Variants in FGD5 observed in about 807,000 individuals in gnomAD.
FGD5 encodes the protein FYVE, RhoGEF and PH domain-containing protein 5.
In FGD5, 28 loss-of-function variants were observed where a neutral mutation model predicts 133.4. The ratio of observed to expected loss-of-function variants is 0.21; its 90% CI spans 0.16 to 0.29. The LOEUF (loss-of-function observed/expected upper bound fraction) is 0.29. Among genes scored for constraint, FGD5 ranks in the 10% least tolerant of loss-of-function variants. FGD5 has a pLI of 1.00. For missense variants in FGD5, 1,858 were observed against 1,895.2 expected, an observed-to-expected ratio of 0.98 and a Z score of 0.36; for synonymous variants, 810 against 776.5, an observed-to-expected ratio of 1.04 and a Z score of -0.72.
At chr3:14,843,036 T>G (rs1311271195) in intron 1 of FGD5, among the ~76,000 whole-genome samples, 1 of 152,242 alleles carries the variant, frequency 6.6e-6, no homozygotes. Flanking sequence ...AAATGAAGCC[T>G]TATATTTCTT....
Position 14,898,033 on chromosome 3 carries a change from G to A in FGD5, c.3004G>A (p.Gly1002Ser), listed in dbSNP as rs776122371. The A allele has an allele frequency of 6.2e-7, 1 of 1,613,976 alleles. No individual in the cohort carries two copies. Among genetic ancestry groups the A allele is most frequent in the South Asian group, 1.1e-5 (1 of 91,082 alleles). ...CATCCTGCAGTTCGACAGGTACCTA[G>A]GTCTGCTCAGTGAGAATTGCCTCCA... ...THILQFDRYL[G>S]LLSENCLHSP... is the part of the protein sequence containing the mutation. Residue 1002 changes from glycine to serine, a missense_variant, in exon 6 of 20, where the codon GGT becomes AGT. Transcript: ENST00000285046.
intron 1 of FGD5, among the ~76,000 whole-genome samples, chr3:14,843,054 A>ATT (rs1294435493): frequency 8.5e-5 from 13 of 152,230 alleles, no homozygotes. Context: ...CTTGTTCTTA[A>ATT]TTTTAAAATC....
chr3:14,902,524 T>C (rs1377715982), intron 9 of FGD5, among the ~76,000 whole-genome samples: 2 of 151,842 alleles, frequency 1.3e-5, no homozygotes, highest in Non-Finnish European at 2.9e-5. Context: ...TGGTGAAGGG[T>C]AGACTGAGAG....
At chr3:14,825,354 C>T (rs1276602749) in intron 1 of FGD5, among the ~76,000 whole-genome samples, 1 of 151,994 alleles carries the variant, frequency 6.6e-6, no homozygotes, top group Non-Finnish European at 1.5e-5. Context: ...CTTGTAATCC[C>T]AGTGCTTTGG....
At chr3:14,911,626 C>G (rs2038451003) in intron 11 of FGD5, among the ~76,000 whole-genome samples, 1 of 151,920 alleles carries the variant, frequency 6.6e-6, no homozygotes, top group Non-Finnish European at 1.5e-5. Flanking sequence ...TACGAGCTCT[C>G]TCTGTTCCAG....
At chr3:14,918,958 G>C in intron 13 of FGD5, 125 bp downstream of exon 13, 1 of 986,878 alleles carries the variant, frequency 1.0e-6, no homozygotes. Flanking sequence ...ATCCTTCTGG[G>C]TCAAAGGACT....
At chr3:14,831,820 A>G (rs1361809677) in intron 1 of FGD5, among the ~76,000 whole-genome samples, 2 of 152,196 alleles carry the variant, frequency 1.3e-5, no homozygotes, top group Non-Finnish European at 1.5e-5. Flanking sequence ...CCACTACAGA[A>G]AGGTGCCCGA....
At chr3:14,818,277 C>T (rs1262652016), upstream of FGD5, among the ~76,000 whole-genome samples, 1 of 152,208 alleles carries the variant, frequency 6.6e-6, no homozygotes, top group East Asian at 1.9e-4. Flanking sequence ...TGGCTGGACA[C>T]AGTCCTGAAG....
chr3:14,894,667 C>A (rs1387903047), intron 4 of FGD5, among the ~76,000 whole-genome samples: 1 of 137,110 alleles, frequency 7.3e-6, no homozygotes, highest in Non-Finnish European at 1.6e-5. Context: ...AGGTGCAGGT[C>A]CAGCTAATTT....
At chr3:14,885,871 G>T (rs146178895) in intron 4 of FGD5, among the ~76,000 whole-genome samples, 189 of 152,332 alleles carry the variant, frequency 1.2e-3, no homozygotes, top group African/African-American at 4.4e-3. Flanking sequence ...AGCTCACATT[G>T]TATAAAGACC....
rs933033672 is a variant in FGD5, at chr3:14,898,068, G to T, written c.3039G>T (p.Arg1013=). Reference sequence around the variant, plus strand: ...GTGAGAATTGCCTCCACTCTCCCCGGCTGGCAGCTGCTGTCCGTGAATTTG... The same window carrying T: ...GTGAGAATTGCCTCCACTCTCCCCGTCTGGCAGCTGCTGTCCGTGAATTTG... ...LLSENCLHSP[R]LAAAVREFEQ... The change falls in exon 6 of 20, where the codon CGG becomes CGT. Residue 1013 remains arginine, a synonymous_variant. Coordinates refer to ENST00000285046, the MANE Select transcript of FGD5 (RefSeq NM_152536.4). 26 of 1,613,910 alleles carry T rather than the reference G, an allele frequency of 1.6e-5. No individual in the cohort carries two copies. The highest frequency in any genetic ancestry group is 2.1e-5 in the Non-Finnish European group (25 of 1,179,900).
At chr3:14,926,041 G>A (rs1445506150) in intron 17 of FGD5, 29 bp from the exon 18 acceptor site, 14 of 1,611,988 alleles carry the variant, frequency 8.7e-6, no homozygotes, top group Non-Finnish European at 1.2e-5. Flanking sequence ...CACCGGGGTG[G>A]GCTGACCGCT....
At chr3:14,841,444 G>T (rs528114937) in intron 1 of FGD5, among the ~76,000 whole-genome samples, 1 of 152,024 alleles carries the variant, frequency 6.6e-6, no homozygotes, top group South Asian at 2.1e-4. Context: ...GTCCTGGTTT[G>T]TATCAAATTA....
chr3:14,909,387 A>G (rs906851506), intron 10 of FGD5, among the ~76,000 whole-genome samples: 6 of 152,262 alleles, frequency 3.9e-5, no homozygotes, highest in South Asian at 2.1e-4. Flanking sequence ...TGTGCTAACA[A>G]TAGTTCCACG....
chr3:14,866,149 C>A (rs753500676), intron 2 of FGD5, among the ~76,000 whole-genome samples: 2 of 152,150 alleles, frequency 1.3e-5, no homozygotes, highest in Admixed American at 1.3e-4. Flanking sequence ...TTAAACCCTC[C>A]TCTGGGACCC....
Position 14,932,718 on chromosome 3 carries a change from A to G in FGD5, c.4339A>G (p.Asn1447Asp), listed in dbSNP as rs768948265. 4 of 1,613,526 alleles carry G rather than the reference A, an allele frequency of 2.5e-6. No homozygotes were observed. The highest frequency in any genetic ancestry group is 1.1e-5 in the South Asian group (1 of 90,990). Reference sequence around the variant, plus strand: ...TTATAGCTTCAAAGCAGAAGATACCAATTCAGCTCAGAGGTACGAAAAGAA... The same window carrying G: ...TTATAGCTTCAAAGCAGAAGATACCGATTCAGCTCAGAGGTACGAAAAGAA... ...LFYSFKAEDT[N>D]SAQRWIEAME... Residue 1447 changes from asparagine to aspartate, a missense_variant, in exon 19 of 20, where the codon AAT becomes GAT. Asn to Asp is a conservative substitution (Grantham distance 23). Around this residue, in one of 3 missense-constraint regions of FGD5, gnomAD observed 1,824 missense variants for 1,848.9 expected, o/e 0.99. Transcript: ENST00000285046.
At chr3:14,839,806 A>G (rs1046807876) in intron 1 of FGD5, among the ~76,000 whole-genome samples, 6 of 152,044 alleles carry the variant, frequency 3.9e-5, no homozygotes, top group Non-Finnish European at 8.8e-5. Context: ...GGTGGTGGGC[A>G]CCTGTAGTCC....
At chr3:14,821,654 G>A (rs970369627) in intron 1 of FGD5, 58 bp downstream of exon 1, 50 of 1,468,764 alleles carry the variant, frequency 3.4e-5, no homozygotes, top group Non-Finnish European at 4.3e-5. Context: ...AGGAGGCAGC[G>A]TGGGTGTGGG....
chr3:14,813,434 AG>A (rs1466017430), intron 1 of FGD5, among the ~76,000 whole-genome samples: 1 of 152,226 alleles, frequency 6.6e-6, no homozygotes, highest in African/African-American at 2.4e-5. Context: ...ACATTCCAGC[AG>A]GCACCCAGGA....
Sources: gnomAD v4.1 joint callset for allele counts (sites outside exome capture counted in the v4.1 genomes callset) on GRCh38, gnomAD v4.1.1 for gene constraint, gnomAD v4.1.1 regional missense constraint, MANE v1.5 for transcripts, NCBI Gene and HGNC (gene_info 2026-07-23, HGNC 2026-07-21) for gene names.